The following SLC9A2 variants were observed in gnomAD, a reference collection of about 807,000 sequenced individuals.
SLC9A2 encodes the protein solute carrier family 9 member A2.
In SLC9A2, 42 loss-of-function variants were observed where a neutral mutation model predicts 71.7. The ratio of observed to expected loss-of-function variants is 0.59; its 90% CI spans 0.46 to 0.76. The LOEUF (loss-of-function observed/expected upper bound fraction) is 0.76. Ranked by LOEUF, SLC9A2 falls within the 30% of genes least tolerant of loss-of-function variation. The probability of loss-of-function intolerance (pLI) is 0.00; values close to 1 mark genes in which losing one functional copy is unlikely to be tolerated. For synonymous variants in SLC9A2, 396 were observed against 392.5 expected, an observed-to-expected ratio of 1.01 and a Z score of -0.10; for missense variants, 829 against 1,017.4, an observed-to-expected ratio of 0.81 and a Z score of 2.52.
chr2:102,625,417 C>T (rs1438111430), intron 1 of SLC9A2, among the ~76,000 whole-genome samples: 5 of 151,826 alleles, frequency 3.3e-5, no homozygotes, highest in Non-Finnish European at 1.5e-5. Flanking sequence ...GTGTGCTGCA[C>T]CCATTAACTC....
At chr2:102,639,171 G>A (rs897559385) in intron 1 of SLC9A2, among the ~76,000 whole-genome samples, 2 of 152,156 alleles carry the variant, frequency 1.3e-5, no homozygotes. Flanking sequence ...GTGACAGAAT[G>A]AAACCCTGTC....
intron 1 of SLC9A2, among the ~76,000 whole-genome samples, chr2:102,652,051 A>C (rs1676846610): frequency 1.3e-5 from 2 of 152,186 alleles, no homozygotes. Flanking sequence ...TATGGGATCA[A>C]ACATGGATCC....
At chr2:102,691,112 G>A (rs1037011770) in intron 5 of SLC9A2, among the ~76,000 whole-genome samples, 6 of 152,296 alleles carry the variant, frequency 3.9e-5, no homozygotes, top group African/African-American at 7.2e-5. Context: ...GGAACAAGAT[G>A]CAAAACCAAT....
At chr2:102,704,035 A>G (rs1406115656) in intron 9 of SLC9A2, among the ~76,000 whole-genome samples, 2 of 152,224 alleles carry the variant, frequency 1.3e-5, no homozygotes, top group Non-Finnish European at 2.9e-5. Context: ...TTATTTCCAG[A>G]TATTCATGAT....
At chr2:102,693,556 T>G (rs1677702108) in intron 5 of SLC9A2, among the ~76,000 whole-genome samples, 1 of 152,186 alleles carries the variant, frequency 6.6e-6, no homozygotes. Flanking sequence ...TTTCCGGAGT[T>G]CACTCATGAA....
At chr2:102,650,865 C>T (rs148245346) in intron 1 of SLC9A2, among the ~76,000 whole-genome samples, 15 of 152,272 alleles carry the variant, frequency 9.9e-5, no homozygotes, top group South Asian at 2.1e-4. Context: ...CCCTAGAAAT[C>T]GTCTGCCACT....
At chr2:102,644,984 C>T (rs145254141) in intron 1 of SLC9A2, among the ~76,000 whole-genome samples, 2 of 152,172 alleles carry the variant, frequency 1.3e-5, no homozygotes, top group Non-Finnish European at 2.9e-5. Flanking sequence ...GAGTCCCTGA[C>T]CCCCGTGGCT....
At chr2:102,658,456 C>T (rs1438524502) in intron 2 of SLC9A2, among the ~76,000 whole-genome samples, 1 of 151,884 alleles carries the variant, frequency 6.6e-6, no homozygotes. Context: ...GTAATACTGT[C>T]AGTATCCAAT....
At chr2:102,681,621 T>C (rs563844980) in intron 3 of SLC9A2, among the ~76,000 whole-genome samples, 4 of 152,382 alleles carry the variant, frequency 2.6e-5, no homozygotes, top group African/African-American at 9.6e-5. Flanking sequence ...TCAAAGGCTT[T>C]GCCATGTGTT....
chr2:102,693,551 G>T (rs546096682), intron 5 of SLC9A2, among the ~76,000 whole-genome samples: 7 of 152,100 alleles, frequency 4.6e-5, no homozygotes, highest in African/African-American at 1.7e-4. Flanking sequence ...CCACATTTCC[G>T]GAGTTCACTC....
At position 102,694,458 on chromosome 2, in the gene SLC9A2, G is replaced by A. The variant is rs780684311; in HGVS notation, c.1470G>A (p.Arg490=). ...TGGTGGAGTTTCTTGATGTCAAGAG[G>A]TCCAATAAGAAACAACAAGCTGTCA... ...RPLVEFLDVK[R]SNKKQQAVSE... is the part of the protein sequence containing the mutation. The change falls in exon 6 of 12, where the codon AGG becomes AGA. Residue 490 remains arginine, a synonymous_variant. Coordinates refer to ENST00000233969, the MANE Select transcript of SLC9A2 (RefSeq NM_003048.6). 4 of 1,542,518 alleles carry A rather than the reference G, an allele frequency of 2.6e-6. No individual in the cohort carries two copies. The South Asian group carries it at 5.2e-5, about 20-fold the overall frequency.
In SLC9A2 at chr2:102,708,831, A is replaced by G. The variant is rs778354567; in HGVS notation, c.*342A>G. 6.2e-5 allele frequency: 14 copies of G among 225,546 alleles called. No individual in the cohort carries two copies. The highest frequency in any genetic ancestry group is 1.1e-4 in the Non-Finnish European group (13 of 114,660). 14.0% of individuals were successfully genotyped at this position (225,546 alleles called of 1,614,324 possible). On this transcript the variant is annotated 3_prime_UTR_variant, in exon 12 of 12. Coordinates refer to ENST00000233969, the MANE Select transcript of SLC9A2 (RefSeq NM_003048.6). ...TGGTGAAGATTTTAATATATTACTT[A>G]TATGCTTCAAATTTTATTTATGAAA...
intron 1 of SLC9A2, among the ~76,000 whole-genome samples, chr2:102,635,276 G>T (rs1287652039): frequency 6.6e-6 from 1 of 152,236 alleles, no homozygotes; most frequent in East Asian, 1.9e-4. Flanking sequence ...CTGATTGAAA[G>T]TCTTGGTGTT....
At chr2:102,657,133 G>A (rs1676957027) in intron 1 of SLC9A2, among the ~76,000 whole-genome samples, 1 of 151,722 alleles carries the variant, frequency 6.6e-6, no homozygotes, top group South Asian at 2.1e-4. Flanking sequence ...TTGAACCCGG[G>A]AGGCAGAGGT....
chr2:102,682,775 A>C (rs573099469), intron 3 of SLC9A2, among the ~76,000 whole-genome samples: 1 of 152,322 alleles, frequency 6.6e-6, no homozygotes, highest in South Asian at 2.1e-4. Flanking sequence ...ATTATATGGC[A>C]GGGGGGCTAC....
chr2:102,631,304 T>G (rs1307774303), intron 1 of SLC9A2, among the ~76,000 whole-genome samples: 1 of 151,094 alleles, frequency 6.6e-6, no homozygotes, highest in Non-Finnish European at 1.5e-5. Context: ...CTTTTTTTTT[T>G]GTGCTAGTAT....
At chr2:102,703,376 G>A (rs1175313197) in intron 9 of SLC9A2, among the ~76,000 whole-genome samples, 3 of 152,260 alleles carry the variant, frequency 2.0e-5, no homozygotes, top group Middle Eastern at 3.4e-3. Flanking sequence ...GGGAGTGAGA[G>A]GTTCTGTTTT....
At chr2:102,662,349 G>T (rs1282595648) in intron 2 of SLC9A2, among the ~76,000 whole-genome samples, 4 of 152,252 alleles carry the variant, frequency 2.6e-5, no homozygotes, top group African/African-American at 9.6e-5. Context: ...TTCCCTCAGA[G>T]AACTCTTCAG....
chr2:102,693,779 A>T (rs886967329), intron 5 of SLC9A2, among the ~76,000 whole-genome samples: 2 of 152,206 alleles, frequency 1.3e-5, no homozygotes, highest in East Asian at 3.8e-4. Flanking sequence ...ATAAGACTGC[A>T]AAGTCCTAGA....
Sources: gnomAD v4.1 joint callset for allele counts (sites outside exome capture counted in the v4.1 genomes callset) on GRCh38, gnomAD v4.1.1 for gene constraint, MANE v1.5 for transcripts, NCBI Gene and HGNC (gene_info 2026-07-23, HGNC 2026-07-21) for gene names.